DPP6: variants seen among roughly 807,000 people sequenced by gnomAD.
DPP6 encodes the protein A-type potassium channel modulatory protein DPP6.
Under a neutral mutation model 122.6 loss-of-function variants are expected in DPP6, and 69 were observed. The observed-to-expected ratio is 0.56, with a 90% CI of 0.46 to 0.69. The LOEUF is 0.69. DPP6 is among the 30% of genes least tolerant of loss of function. The pLI, the probability that DPP6 is intolerant of heterozygous loss-of-function variation, is 0.00. For missense variants in DPP6, 928 were observed against 1,116.9 expected (o/e 0.83, Z 2.41); for synonymous variants, 418 against 433.1 (o/e 0.97, Z 0.43).
intron 1 of DPP6, among the ~76,000 whole-genome samples, chr7:153,948,229 C>T (rs1299251622): frequency 6.6e-6 from 1 of 152,044 alleles, no homozygotes; most frequent in Non-Finnish European, 1.5e-5. Flanking sequence ...AATACTGTGG[C>T]CATATTGCTT....
rs79867470 is a variant in DPP6 at position 154,311,901 on chromosome 7, A to G, written c.244-134313A>G. 6.1e-3 allele frequency among the ~76,000 whole-genome samples: 931 copies of G among 152,326 alleles called. 13 individuals carry two copies. Among genetic ancestry groups the G allele is most frequent in the African/African-American group, 0.021 (872 of 41,560 alleles). On this transcript the variant is annotated intron_variant, in intron 1 of 25. Transcript: ENST00000377770. ...AATCCATTCATTAAACAAAAAGTGT[A>G]AGGTGGGTGTCATGCAGTACTTTCC...
chr7:154,426,038 G>A (rs975875338), intron 1 of DPP6, among the ~76,000 whole-genome samples: 3 of 152,100 alleles, frequency 2.0e-5, no homozygotes, highest in Admixed American at 6.6e-5. Context: ...AAAAGAACTT[G>A]GAGGCTCTTT....
intron 1 of DPP6, among the ~76,000 whole-genome samples, chr7:154,280,170 A>G (rs773559471): frequency 1.3e-5 from 2 of 151,598 alleles, no homozygotes; most frequent in Non-Finnish European, 2.9e-5. Flanking sequence ...TGCAAGCAGC[A>G]TATTTAATGT....
In DPP6 at chr7:154,877,579, C is replaced by T. The variant is rs1019454425; in HGVS notation, c.2078+1479C>T. Among the ~76,000 whole-genome samples the T allele has an allele frequency of 2.6e-5, 4 of 152,212 alleles. No individual in the cohort carries two copies. The highest frequency in any genetic ancestry group is 3.8e-4 in the East Asian group (2 of 5,196). ...CAGCCATGATGGTCTCATCCTAAGCCGAGCCCTCAGTCACGGGGTGGCCCT... is the reference window on the plus strand; with the variant it reads ...CAGCCATGATGGTCTCATCCTAAGCTGAGCCCTCAGTCACGGGGTGGCCCT... On this transcript the variant is annotated intron_variant, in intron 20 of 25. Coordinates refer to ENST00000377770, the MANE Select transcript of DPP6 (RefSeq NM_130797.4). The surrounding 1 kb of genome is among the most constrained non-coding windows in gnomAD (Gnocchi z 5.2).
intron 14 of DPP6, 29 bp from the exon 15 acceptor site, chr7:154,804,888 A>G: frequency 6.3e-7 from 1 of 1,592,562 alleles, no homozygotes; most frequent in East Asian, 2.3e-5. Flanking sequence ...GGAGCAAACT[A>G]ACCCTGTGCA....
chr7:154,824,833 A>T (rs1800037124), intron 16 of DPP6, among the ~76,000 whole-genome samples: 1 of 152,170 alleles, frequency 6.6e-6, no homozygotes, highest in Non-Finnish European at 1.5e-5. Context: ...CCAGAAAGGA[A>T]TGGAAATGAG....
intron 1 of DPP6, among the ~76,000 whole-genome samples, chr7:154,117,069 A>G (rs549029285): frequency 1.0e-3 from 154 of 151,888 alleles, no homozygotes; most frequent in African/African-American, 3.5e-3. Flanking sequence ...TAAAAATACA[A>G]ATTAAAAGAA....
intron 1 of DPP6, among the ~76,000 whole-genome samples, chr7:153,908,464 A>G (rs1248940260): frequency 6.6e-6 from 1 of 152,200 alleles, no homozygotes; most frequent in Non-Finnish European, 1.5e-5. Flanking sequence ...AAAAATGCAG[A>G]TAGTAGAGTA....
At chr7:153,948,988 G>A (rs915515530) in intron 1 of DPP6, among the ~76,000 whole-genome samples, 1 of 152,096 alleles carries the variant, frequency 6.6e-6, no homozygotes, top group Non-Finnish European at 1.5e-5. Context: ...TAATTTTGCT[G>A]TATTTTTAAG....
intron 8 of DPP6, among the ~76,000 whole-genome samples, chr7:154,750,434 C>T (rs954990784): frequency 2.0e-5 from 3 of 152,190 alleles, no homozygotes; most frequent in African/African-American, 4.8e-5. Context: ...TTCCCAGCGG[C>T]GGGTAGTGCG....
At chr7:154,228,885 A>C (rs1477013089) in intron 1 of DPP6, among the ~76,000 whole-genome samples, 3 of 152,186 alleles carry the variant, frequency 2.0e-5, no homozygotes, top group African/African-American at 4.8e-5. Context: ...ACTGAAGAAA[A>C]ATAGGTGCCC....
At chr7:154,074,127 C>CTATATAGAGAGA (rs1563170949) in intron 1 of DPP6, among the ~76,000 whole-genome samples, 1 of 143,290 alleles carries the variant, frequency 7.0e-6, no homozygotes. Context: ...ATATAGATAT[C>CTATATAGAGAGA]TATATATATC....
the DPP6 span, among the ~76,000 whole-genome samples, chr7:153,865,123 T>A: frequency 6.6e-6 from 1 of 152,076 alleles, no homozygotes. Flanking sequence ...TTACATGTAG[T>A]AAATGTATTT....
rs181858249 is a variant in DPP6 at position 154,289,843 on chromosome 7, A to G, written c.244-156371A>G. Among the ~76,000 whole-genome samples, 685 of 152,324 alleles carry G rather than the reference A, an allele frequency of 4.5e-3. 10 individuals carry two copies. The highest frequency in any genetic ancestry group is 3.5e-3 in the Non-Finnish European group (236 of 68,036). On this transcript the variant is annotated intron_variant, in intron 1 of 25. Transcript: ENST00000377770. The stretch of plus-strand genomic sequence containing the variant: ...CCTGGCGTTATGCCATGGGTAGGGT[A>G]CTGAGGCTAGATTCCCTGAATCCTG...
the DPP6 span, among the ~76,000 whole-genome samples, chr7:153,825,008 C>A: frequency 6.6e-6 from 1 of 152,092 alleles, no homozygotes; most frequent in Non-Finnish European, 1.5e-5. Flanking sequence ...AGGCAGCACT[C>A]TCATCAGAGC....
the DPP6 span, among the ~76,000 whole-genome samples, chr7:153,764,111 T>C: frequency 6.6e-6 from 1 of 152,118 alleles, no homozygotes; most frequent in African/African-American, 2.4e-5. Flanking sequence ...CTGGCTCTTT[T>C]GCATCACAAA....
chr7:154,290,622 T>G (rs4726402), intron 1 of DPP6, among the ~76,000 whole-genome samples: 76,773 of 149,560 alleles, frequency 0.51, 21,082 homozygotes, highest in African/African-American at 0.73. Context: ...CTGTAGCCTG[T>G]GTGACAAGAG....
At chr7:154,402,045 G>C (rs931371852) in intron 1 of DPP6, among the ~76,000 whole-genome samples, 2 of 152,090 alleles carry the variant, frequency 1.3e-5, no homozygotes, top group African/African-American at 4.8e-5. Context: ...AAACCACAAT[G>C]AGATGCCATC....
At chr7:154,513,412 G>A (rs1020238888) in intron 3 of DPP6, among the ~76,000 whole-genome samples, 6 of 151,920 alleles carry the variant, frequency 3.9e-5, no homozygotes, top group African/African-American at 1.5e-4. Context: ...GTTTTTGTTG[G>A]TTTGTTTTTT....
Sources: gnomAD v4.1 joint callset for allele counts (sites outside exome capture counted in the v4.1 genomes callset) on GRCh38, gnomAD v4.1.1 for gene constraint, Gnocchi (gnomAD v3.1) non-coding constraint, MANE v1.5 for transcripts, NCBI Gene and HGNC (gene_info 2026-07-23, HGNC 2026-07-21) for gene names.